The following MARCKS variants were observed in gnomAD, a reference collection of about 807,000 sequenced individuals.
MARCKS encodes myristoylated alanine rich protein kinase C substrate.
MARCKS carries 4 observed loss-of-function variants against 6.3 expected under a neutral mutation model. The observed-to-expected ratio is 0.63, with a 90% CI of 0.31 to 1.45. The LOEUF (loss-of-function observed/expected upper bound fraction) is 1.45, where lower values mean the gene tolerates loss of function less well. Among genes scored for constraint, MARCKS ranks in the 40% most tolerant of loss-of-function variants. MARCKS has a pLI of 0.07. For missense variants in MARCKS, 636 were observed against 485.7 expected (o/e 1.31, Z -2.91); for synonymous variants, 289 against 236.5 (o/e 1.22, Z -2.04).
chr6:113,859,615 A>C (rs1335305193), intron 1 of MARCKS, 68 bp from the exon 2 acceptor site: 1 of 1,342,004 alleles, frequency 7.5e-7, no homozygotes, highest in African/African-American at 1.5e-5. Flanking sequence ...CTCCCGGTCC[A>C]GGGCTGGGGG....
chr6:113,859,867 CCGAG>C lies in MARCKS; in HGVS notation c.288_291del (p.Glu97ProfsTer6). 7.4e-7 allele frequency: 1 copy of C among 1,347,406 alleles called. No homozygotes were observed. Among genetic ancestry groups the C allele is most frequent in the Non-Finnish European group, 9.5e-7 (1 of 1,050,946 alleles). The allele number at this position is 1,347,406 out of a possible 1,614,324, so 83.5% of individuals were successfully genotyped here. A position where few individuals can be genotyped will look rare whatever the true frequency, so the allele number is the denominator to read the frequency against. Reference sequence around the variant, plus strand: ...GGTGAGCCGGCCGCCGCCGCTGCCCCCGAGGCCGGGGCCAGCCCGGTAGAGAAGG... The same window carrying C: ...GGTGAGCCGGCCGCCGCCGCTGCCCCGCCGGGGCCAGCCCGGTAGAGAAGG... On this transcript the variant is annotated frameshift_variant, in exon 2 of 2. Transcript: ENST00000612661. LOFTEE classifies it low-confidence loss of function (END_TRUNC).
chr6:113,859,899 G>GC lies in MARCKS; in HGVS notation c.324dup (p.Ala109ArgfsTer75). The GC allele has an allele frequency of 6.9e-7, 1 of 1,443,064 alleles. No individual in the cohort carries two copies. Among genetic ancestry groups the GC allele is most frequent in the Non-Finnish European group, 9.1e-7 (1 of 1,101,188 alleles). 89.4% of individuals were successfully genotyped at this position (1,443,064 alleles called of 1,614,324 possible). ...CGGGGCCAGCCCGGTAGAGAAGGAG[G>GC]CCCCCGCGGAAGGCGAGGCTGCCGA... On this transcript the variant is annotated frameshift_variant, in exon 2 of 2. Transcript: ENST00000612661. LOFTEE classifies it low-confidence loss of function (END_TRUNC).
Position 113,860,560 on chromosome 6 carries a change from C to A in MARCKS, c.980C>A (p.Pro327Gln), listed in dbSNP as rs890025631. ...CCCGAGTGCAGTCCAGAAGCCCCCCCAGCGGAGGCGGCAGAGTAAAAGAGC... is the reference window on the plus strand; with the variant it reads ...CCCGAGTGCAGTCCAGAAGCCCCCCAAGCGGAGGCGGCAGAGTAAAAGAGC... Reference protein sequence around the residue: ...AQPECSPEAPPAEAAE With the variant: ...AQPECSPEAPQAEAAE The change falls in exon 2 of 2, where the codon CCA becomes CAA. Residue 327 changes from proline (P) to glutamine (Q), a missense_variant. Physicochemically the swap from Pro to Gln is moderately conservative, Grantham distance 76 (BLOSUM62 -1). Coordinates refer to ENST00000612661, the MANE Select transcript of MARCKS (RefSeq NM_002356.7). 20 of 1,558,138 alleles carry A rather than the reference C, an allele frequency of 1.3e-5. No homozygotes were observed. Among genetic ancestry groups the A allele is most frequent in the South Asian group, 9.3e-5 (8 of 86,386 alleles).
Position 113,857,570 on chromosome 6 carries a change from T to G in MARCKS, c.-176T>G. The G allele has an allele frequency of 1.7e-6, 1 of 582,352 alleles. No homozygotes were observed. 36.1% of individuals were successfully genotyped at this position (582,352 alleles called of 1,614,324 possible). A position where few individuals can be genotyped will look rare whatever the true frequency, so the allele number is the denominator to read the frequency against. ...CTAAAATTTTTTTATCCGGAGTGTATTTAATCGGTTCTGTTCTGTCCTCTC... is the reference window on the plus strand; with the variant it reads ...CTAAAATTTTTTTATCCGGAGTGTAGTTAATCGGTTCTGTTCTGTCCTCTC... On this transcript the variant is annotated 5_prime_UTR_variant, in exon 1 of 2. Transcript: ENST00000612661.
At chr6:113,858,358 G>A (rs1225392060) in intron 1 of MARCKS, among the ~76,000 whole-genome samples, 1 of 152,122 alleles carries the variant, frequency 6.6e-6, no homozygotes, top group East Asian at 1.9e-4. Context: ...CCGCGGCGGC[G>A]TGCCCTGGGT....
chr6:113,859,968 G>A lies in MARCKS; in HGVS notation c.388G>A (p.Ala130Thr), dbSNP rs772613203. 4.6e-6 allele frequency: 7 copies of A among 1,527,012 alleles called. No homozygotes were observed. Among genetic ancestry groups the A allele is most frequent in the African/African-American group, 1.4e-5 (1 of 70,072 alleles). The allele number at this position is 1,527,012 out of a possible 1,614,324, so 94.6% of individuals were successfully genotyped here. Residue 130 changes from alanine to threonine, a missense_variant, in exon 2 of 2, where the codon GCC (alanine) becomes ACC (threonine). Transcript: ENST00000612661. Reference sequence around the variant, plus strand: ...CGCGGAGGGAGAGGCCGCGTCGGCCGCCTCCTCGACTTCTTCGCCCAAGGC... The same window carrying A: ...CGCGGAGGGAGAGGCCGCGTCGGCCACCTCCTCGACTTCTTCGCCCAAGGC... ...TAAEGEAASA[A>T]SSTSSPKAED...
chr6:113,860,620 C>T lies in MARCKS; in HGVS notation c.*41C>T. 1.4e-6 allele frequency: 2 copies of T among 1,457,110 alleles called. No homozygotes were observed. Among genetic ancestry groups the T allele is most frequent in the South Asian group, 2.7e-5 (2 of 72,836 alleles). The allele number at this position is 1,457,110 out of a possible 1,614,324, so 90.3% of individuals were successfully genotyped here. On this transcript the variant is annotated 3_prime_UTR_variant, in exon 2 of 2. Transcript: ENST00000612661. The stretch of plus-strand genomic sequence containing the variant: ...TGAGATAATCGAAGAACTTTTCTCC[C>T]CCGTTTGTTTGTTGGAGTGGTGCCA...
Position 113,862,534 on chromosome 6 carries a change from C to T in MARCKS, c.*1955C>T, listed in dbSNP as rs1774918234. ...CTAGTTTACCTCCTCTGCTCTTTGC[C>T]ACCCGATAACTGGATATCTTTTCCT... On this transcript the variant is annotated 3_prime_UTR_variant, in exon 2 of 2. Transcript: ENST00000612661. 1 of 151,744 alleles carries T rather than the reference C, an allele frequency of 6.6e-6. No homozygotes were observed. Among genetic ancestry groups the T allele is most frequent in the Non-Finnish European group, 1.5e-5 (1 of 67,920 alleles). The allele number at this position is 151,744 out of a possible 1,614,324, so 9.4% of individuals were successfully genotyped here. A position where few individuals can be genotyped will look rare whatever the true frequency, so the allele number is the denominator to read the frequency against.
Position 113,860,490 on chromosome 6 carries a change from G to T in MARCKS, c.910G>T (p.Ala304Ser), listed in dbSNP as rs763054918. ...EAAPAEEPAA[A>S]AASSACAAPS... ...AGCCCCCGCGGAGGAGCCCGCGGCC[G>T]CCGCAGCCTCGTCAGCCTGCGCAGC... The change falls in exon 2 of 2, where the codon GCC (alanine) becomes TCC (serine). Residue 304 changes from alanine (A) to serine (S), a missense_variant. Ala to Ser is a moderately conservative substitution (Grantham distance 99). Transcript: ENST00000612661. The T allele has an allele frequency of 6.7e-7, 1 of 1,497,974 alleles. No individual in the cohort carries two copies. Among genetic ancestry groups the T allele is most frequent in the East Asian group, 2.8e-5 (1 of 36,096 alleles). 92.8% of individuals were successfully genotyped at this position (1,497,974 alleles called of 1,614,324 possible).
rs1376926455 is a variant in MARCKS, at chr6:113,863,435, T to A, written c.*2856T>A. The stretch of plus-strand genomic sequence containing the variant: ...TATAATAATCATTTGATCCAATTCC[T>A]ATTGCTTGTAAAATAAAGTTTTACC... On this transcript the variant is annotated 3_prime_UTR_variant, in exon 2 of 2. Transcript: ENST00000612661. 1 of 152,186 alleles carries A rather than the reference T, an allele frequency of 6.6e-6. No individual in the cohort carries two copies. The highest frequency in any genetic ancestry group is 6.5e-5 in the Admixed American group (1 of 15,282). The allele number at this position is 152,186 out of a possible 1,614,324, so 9.4% of individuals were successfully genotyped here. A position where few individuals can be genotyped will look rare whatever the true frequency, so the allele number is the denominator to read the frequency against.
intron 1 of MARCKS, among the ~76,000 whole-genome samples, chr6:113,859,150 G>A (rs1027129205): frequency 2.6e-5 from 4 of 152,178 alleles, no homozygotes; most frequent in Non-Finnish European, 5.9e-5. Flanking sequence ...CAGGAGCTCG[G>A]AGGGCCCCGC....
rs45449896 is a variant in MARCKS at position 113,860,738 on chromosome 6, GTTT to G, written c.*169_*171del. ...TTTTTTTTAAGCACCAAATTTTGTT[GTTT>G]TTTTTTTTTCTCCCCTCCCCACAGA... On this transcript the variant is annotated 3_prime_UTR_variant, in exon 2 of 2. Coordinates refer to ENST00000612661, the MANE Select transcript of MARCKS (RefSeq NM_002356.7). 211 of 336,474 alleles carry G rather than the reference GTTT, an allele frequency of 6.3e-4. 1 individual carries two copies. Among genetic ancestry groups the G allele is most frequent in the Middle Eastern group, 3.2e-3 (5 of 1,554 alleles). 20.8% of individuals were successfully genotyped at this position (336,474 alleles called of 1,614,324 possible). A position where few individuals can be genotyped will look rare whatever the true frequency, so the allele number is the denominator to read the frequency against.
At chr6:113,857,914 C>A in intron 1 of MARCKS, 67 bp downstream of exon 1, 2 of 1,301,222 alleles carry the variant, frequency 1.5e-6, no homozygotes, top group Non-Finnish European at 2.2e-6. Flanking sequence ...TGGTGGCTCC[C>A]AAGGCTCATT....
chr6:113,859,852 C>A lies in MARCKS; in HGVS notation c.272C>A (p.Ala91Asp). The change falls in exon 2 of 2, where the codon GCC (alanine) becomes GAC (aspartate). Residue 91 changes from alanine to aspartate, a missense_variant. Ala to Asp is a moderately radical substitution (Grantham distance 126, BLOSUM62 -2). Coordinates refer to ENST00000612661, the MANE Select transcript of MARCKS (RefSeq NM_002356.7). ...TCCGCGGCCGAGAAAGGTGAGCCGG[C>A]CGCCGCCGCTGCCCCCGAGGCCGGG... The part of the protein sequence containing the change: ...SPSAAEKGEP[A>D]AAAAPEAGAS... 7.7e-7 allele frequency: 1 copy of A among 1,298,558 alleles called. No homozygotes were observed. Among genetic ancestry groups the A allele is most frequent in the Non-Finnish European group, 9.7e-7 (1 of 1,025,774 alleles). The allele number at this position is 1,298,558 out of a possible 1,614,324, so 80.4% of individuals were successfully genotyped here. A position where few individuals can be genotyped will look rare whatever the true frequency, so the allele number is the denominator to read the frequency against.
Position 113,860,617 on chromosome 6 carries a change from TCCC to T in MARCKS, c.*41_*43del. 6.8e-7 allele frequency: 1 copy of T among 1,466,098 alleles called. No individual in the cohort carries two copies. The allele number at this position is 1,466,098 out of a possible 1,614,324, so 90.8% of individuals were successfully genotyped here. ...TTGTGAGATAATCGAAGAACTTTTC[TCCC>T]CCGTTTGTTTGTTGGAGTGGTGCCA... On this transcript the variant is annotated 3_prime_UTR_variant, in exon 2 of 2. Transcript: ENST00000612661.
At chr6:113,858,658 T>C (rs1454409302) in intron 1 of MARCKS, among the ~76,000 whole-genome samples, 3 of 152,192 alleles carry the variant, frequency 2.0e-5, no homozygotes, top group Admixed American at 1.3e-4. Context: ...ATAGCCACGA[T>C]TGGGTGGACC....
At chr6:113,857,943 T>A (rs1167963004) in intron 1 of MARCKS, 96 bp downstream of exon 1, 3 of 1,040,788 alleles carry the variant, frequency 2.9e-6, no homozygotes, top group Non-Finnish European at 4.3e-6. Context: ...GGAGTGTGGC[T>A]GGATTCTAGT....
At position 113,862,676 on chromosome 6, in the gene MARCKS, A is replaced by G. The variant is rs1774920169; in HGVS notation, c.*2097A>G. 6.6e-6 allele frequency: 1 copy of G among 152,150 alleles called. No individual in the cohort carries two copies. The highest frequency in any genetic ancestry group is 1.5e-5 in the Non-Finnish European group (1 of 67,980). 9.4% of individuals were successfully genotyped at this position (152,150 alleles called of 1,614,324 possible). ...TGCAGTTTAGGGTTCATGATAAATC[A>G]TTGAACCACATGTGTAACAACTGAA... On this transcript the variant is annotated 3_prime_UTR_variant, in exon 2 of 2. Transcript: ENST00000612661.
At position 113,859,871 on chromosome 6, in the gene MARCKS, G is replaced by T; in HGVS notation, c.291G>T (p.Glu97Asp). The T allele has an allele frequency of 7.3e-7, 1 of 1,368,590 alleles. No homozygotes were observed. Among genetic ancestry groups the T allele is most frequent in the Non-Finnish European group, 9.4e-7 (1 of 1,062,458 alleles). The allele number at this position is 1,368,590 out of a possible 1,614,324, so 84.8% of individuals were successfully genotyped here. Residue 97 changes from glutamate (E) to aspartate (D), a missense_variant, in exon 2 of 2, where the codon GAG becomes GAT. Transcript: ENST00000612661. ...AGCCGGCCGCCGCCGCTGCCCCCGA[G>T]GCCGGGGCCAGCCCGGTAGAGAAGG... ...KGEPAAAAAP[E>D]AGASPVEKEA...
Sources: gnomAD v4.1 joint callset for allele counts (sites outside exome capture counted in the v4.1 genomes callset) on GRCh38, gnomAD v4.1.1 for gene constraint, MANE v1.5 for transcripts, NCBI Gene and HGNC (gene_info 2026-07-23, HGNC 2026-07-21) for gene names.